Variants in PPP2R2D observed in about 807,000 individuals in gnomAD.
PPP2R2D encodes protein phosphatase 2 regulatory subunit Bdelta, also known as serine/threonine-protein phosphatase 2A 55 kDa regulatory subunit B delta isoform.
Under a neutral mutation model 31.1 loss-of-function variants are expected in PPP2R2D, and 9 were observed. That is an observed-to-expected ratio of 0.29 (90% CI 0.17 to 0.51). The LOEUF (loss-of-function observed/expected upper bound fraction) is 0.51. PPP2R2D is among the 20% of genes least tolerant of loss of function. The pLI is 0.98. For synonymous variants in PPP2R2D, 179 were observed against 172.6 expected, an observed-to-expected ratio of 1.04 and a Z score of -0.29; for missense variants, 391 against 465.6, an observed-to-expected ratio of 0.84 and a Z score of 1.48.
chr10:131,917,795 G>T (rs375413429), intron 2 of PPP2R2D, among the ~76,000 whole-genome samples: 1 of 83,592 alleles, frequency 1.2e-5, no homozygotes, highest in Non-Finnish European at 2.4e-5. Context: ...GGGACCTCAC[G>T]TGGGTGGAAT....
chr10:131,912,834 A>G (rs2035706034), intron 2 of PPP2R2D, among the ~76,000 whole-genome samples: 2 of 152,242 alleles, frequency 1.3e-5, no homozygotes, highest in South Asian at 4.2e-4. Flanking sequence ...CACTGTTTCT[A>G]ATGACAGTGC....
At chr10:131,901,459 CA>C (rs2119680691) in intron 2 of PPP2R2D, 129 bp downstream of exon 2, 2 of 322,894 alleles carry the variant, frequency 6.2e-6, no homozygotes, top group East Asian at 9.6e-5. Context: ...GGGCAGGGGC[CA>C]GGGGCCGAGC....
At chr10:131,952,557 C>T (rs1405323380) in intron 8 of PPP2R2D, among the ~76,000 whole-genome samples, 1 of 35,572 alleles carries the variant, frequency 2.8e-5, no homozygotes, top group Non-Finnish European at 4.5e-5. Flanking sequence ...TGCGGGTGTG[C>T]GGGGGGTTCA....
intron 3 of PPP2R2D, among the ~76,000 whole-genome samples, chr10:131,939,536 G>T (rs1489952624): frequency 3.0e-5 from 4 of 132,288 alleles, no homozygotes; most frequent in African/African-American, 1.2e-4. Flanking sequence ...GCATTCGGCA[G>T]ACCTGCTCCA....
At chr10:131,921,619 G>C (rs1315230590) in intron 2 of PPP2R2D, among the ~76,000 whole-genome samples, 1 of 152,236 alleles carries the variant, frequency 6.6e-6, no homozygotes, top group Non-Finnish European at 1.5e-5. Flanking sequence ...ACTAAGGGCA[G>C]TGAGGATTCA....
In PPP2R2D at chr10:131,958,815, G is replaced by T. The variant is rs377070130; in HGVS notation, c.*2852G>T. 2.3e-5 allele frequency: 2 copies of T among 86,828 alleles called. No individual in the cohort carries two copies. The highest frequency in any genetic ancestry group is 5.1e-4 in the East Asian group (1 of 1,980). The allele number at this position is 86,828 out of a possible 1,614,324, so 5.4% of individuals were successfully genotyped here. A position where few individuals can be genotyped will look rare whatever the true frequency, so the allele number is the denominator to read the frequency against. ...GATCCCCCGTCCCCCTGTGGAGATGGAGGCGTGTGCTGATCCCCCATCCCC... is the reference window on the plus strand; with the variant it reads ...GATCCCCCGTCCCCCTGTGGAGATGTAGGCGTGTGCTGATCCCCCATCCCC... On this transcript the variant is annotated 3_prime_UTR_variant, in exon 9 of 9. Transcript: ENST00000455566.
At chr10:131,912,018 C>G (rs889613749) in intron 2 of PPP2R2D, 3 of 152,234 alleles carry the variant, frequency 2.0e-5, no homozygotes, top group Non-Finnish European at 4.4e-5. Context: ...TCAGGACCCA[C>G]TGCTCCTAAC....
intron 3 of PPP2R2D, chr10:131,934,931 G>A (rs1554896260): frequency 2.2e-6 from 1 of 457,108 alleles, no homozygotes; most frequent in African/African-American, 2.0e-5. Context: ...CTGCCATGAA[G>A]TGTGAGCAGC....
chr10:131,918,415 A>AGG (rs2035873706), intron 2 of PPP2R2D, among the ~76,000 whole-genome samples: 1 of 142,772 alleles, frequency 7.0e-6, no homozygotes, highest in Non-Finnish European at 1.5e-5. Context: ...TAGGGATCTC[A>AGG]CATGGGTGGA....
intron 7 of PPP2R2D, among the ~76,000 whole-genome samples, chr10:131,946,757 A>T (rs1554898032): frequency 2.0e-5 from 3 of 152,084 alleles, no homozygotes; most frequent in Admixed American, 2.0e-4. Context: ...AAAGAGAAAA[A>T]ACCTAAAGCA....
chr10:131,918,798 C>T (rs1365610870), intron 2 of PPP2R2D, among the ~76,000 whole-genome samples: 1 of 107,076 alleles, frequency 9.3e-6, no homozygotes, highest in Non-Finnish European at 1.9e-5. Flanking sequence ...AGGGACCTCA[C>T]GCGGGTGGAA....
chr10:131,946,883 T>C (rs2036552048), intron 7 of PPP2R2D, among the ~76,000 whole-genome samples: 1 of 152,026 alleles, frequency 6.6e-6, no homozygotes. Flanking sequence ...TTTGTCACAG[T>C]AGAGCTTGTG....
intron 3 of PPP2R2D, among the ~76,000 whole-genome samples, chr10:131,938,677 T>C (rs1554896785): frequency 6.6e-6 from 1 of 152,248 alleles, no homozygotes; most frequent in Non-Finnish European, 1.5e-5. Context: ...AGCACCTCAC[T>C]CTGGGCACCT....
Position 131,956,671 on chromosome 10 carries a change from A to G in PPP2R2D, c.*708A>G. 1 of 599,536 alleles carries G rather than the reference A, an allele frequency of 1.7e-6. No individual in the cohort carries two copies. The highest frequency in any genetic ancestry group is 2.1e-6 in the Non-Finnish European group (1 of 477,392). 37.1% of individuals were successfully genotyped at this position (599,536 alleles called of 1,614,324 possible). A position where few individuals can be genotyped will look rare whatever the true frequency, so the allele number is the denominator to read the frequency against. ...TTTGGCAGCGTGGGGGTATGTGTGC[A>G]GCATTTCTGTCCCCAAGCTGCTGCC... is the stretch of plus-strand genomic sequence containing the variant. On this transcript the variant is annotated 3_prime_UTR_variant, in exon 9 of 9. Transcript: ENST00000455566.
chr10:131,905,424 C>A (rs2035566332), intron 2 of PPP2R2D, among the ~76,000 whole-genome samples: 1 of 152,176 alleles, frequency 6.6e-6, no homozygotes, highest in Admixed American at 6.6e-5. Flanking sequence ...GTACTTCATT[C>A]AGCATGTGAT....
rs1279140860 is a variant in PPP2R2D, at chr10:131,959,018, C to T, written c.*3055C>T. On this transcript the variant is annotated 3_prime_UTR_variant, in exon 9 of 9. Transcript: ENST00000455566. ...GGAGATGAAGGCGTGTGCTGATCCC[C>T]CATCCCCCTGTGGAGATGAAGGCGT... The T allele has an allele frequency of 7.5e-6, 1 of 134,048 alleles. No individual in the cohort carries two copies. Among genetic ancestry groups the T allele is most frequent in the Admixed American group, 8.2e-5 (1 of 12,132 alleles). The allele number at this position is 134,048 out of a possible 1,614,324, so 8.3% of individuals were successfully genotyped here. A position where few individuals can be genotyped will look rare whatever the true frequency, so the allele number is the denominator to read the frequency against.
At chr10:131,935,159 A>G (rs1310514972) in intron 3 of PPP2R2D, among the ~76,000 whole-genome samples, 4 of 152,220 alleles carry the variant, frequency 2.6e-5, no homozygotes, top group Non-Finnish European at 5.9e-5. Flanking sequence ...ATGCCTTGCC[A>G]GCCCCCTCCC....
intron 5 of PPP2R2D, among the ~76,000 whole-genome samples, chr10:131,942,676 T>C (rs2036462199): frequency 6.6e-6 from 1 of 152,210 alleles, no homozygotes; most frequent in Non-Finnish European, 1.5e-5. Flanking sequence ...AAGACCAGCC[T>C]GGGCAACATA....
rs145241487 is a variant in PPP2R2D at position 131,930,458 on chromosome 10, T to C, written c.101-4000T>C. ...TGCCAAATTGCCTCTCGCAGCAGTT[T>C]CCTGAGAAAGCATTTGTTTGTTTTG... On this transcript the variant is annotated intron_variant, in intron 2 of 8. Coordinates refer to ENST00000455566, the MANE Select transcript of PPP2R2D (RefSeq NM_018461.5). 1.2e-3 allele frequency among the ~76,000 whole-genome samples: 182 copies of C among 152,386 alleles called. 1 individual carries two copies. Among genetic ancestry groups the C allele is most frequent in the African/African-American group, 4.1e-3 (170 of 41,594 alleles).
Sources: allele counts gnomAD v4.1 joint callset (sites outside exome capture counted in the v4.1 genomes callset), GRCh38; gene constraint gnomAD v4.1.1; transcripts MANE v1.5; gene names NCBI Gene and HGNC (gene_info 2026-07-23, HGNC 2026-07-21).